Variants in GRK5 observed in about 807,000 individuals in gnomAD.
GRK5 encodes the protein g protein-coupled receptor kinase GRK5.
In GRK5, 40 loss-of-function variants were observed where a neutral mutation model predicts 78.4. That is an observed-to-expected ratio of 0.51 (90% CI 0.40 to 0.66). The LOEUF (loss-of-function observed/expected upper bound fraction) is 0.66, where lower values mean the gene tolerates loss of function less well. Ranked by LOEUF, GRK5 falls within the 30% of genes least tolerant of loss-of-function variation. The pLI is 0.00. For synonymous variants in GRK5, 289 were observed against 296.8 expected (o/e 0.97, Z 0.27); for missense variants, 598 against 759.9 (o/e 0.79, Z 2.50).
At chr10:119,424,540 G>C (rs1371898279) in intron 5 of GRK5, among the ~76,000 whole-genome samples, 2 of 152,048 alleles carry the variant, frequency 1.3e-5, no homozygotes, top group Non-Finnish European at 2.9e-5. Context: ...GAGGGGCTGT[G>C]GCCCCACCCT....
intron 3 of GRK5, among the ~76,000 whole-genome samples, chr10:119,395,812 G>A (rs1193392861): frequency 2.6e-5 from 4 of 152,120 alleles, no homozygotes; most frequent in African/African-American, 9.7e-5. Flanking sequence ...GAGAAGCCCT[G>A]CGCTTGGAGG....
rs73445454 is a variant in GRK5 at position 119,293,955 on chromosome 10, G to A, written c.53-32561G>A. On this transcript the variant is annotated intron_variant, in intron 1 of 15. Coordinates refer to ENST00000392870, the MANE Select transcript of GRK5 (RefSeq NM_005308.3). ...TGCTTGACAATCACCTGCTAATCCC[G>A]GGGGTCTGGGAGCTGAGCATTTTCA... is the stretch of plus-strand genomic sequence containing the variant. Among the ~76,000 whole-genome samples the A allele has an allele frequency of 6.4e-3, 972 of 152,164 alleles. 14 individuals carry two copies. The highest frequency in any genetic ancestry group is 0.022 in the African/African-American group (897 of 41,526).
At chr10:119,313,359 ATGG>A (rs919013823) in intron 1 of GRK5, among the ~76,000 whole-genome samples, 1 of 151,328 alleles carries the variant, frequency 6.6e-6, no homozygotes, top group Admixed American at 6.6e-5. Flanking sequence ...GGTGGTGATG[ATGG>A]TGGTAATGAG....
At chr10:119,334,753 A>C (rs1012425053) in intron 2 of GRK5, 1 of 152,244 alleles carries the variant, frequency 6.6e-6, no homozygotes, top group South Asian at 2.1e-4. Context: ...CTGTTTGGCA[A>C]TATTTCTGTA....
intron 4 of GRK5, among the ~76,000 whole-genome samples, chr10:119,409,719 C>CA (rs1301230299): frequency 2.0e-5 from 3 of 152,028 alleles, no homozygotes; most frequent in Admixed American, 6.6e-5. Flanking sequence ...CCCCTGCCCC[C>CA]CAACCCCTTT....
intron 3 of GRK5, among the ~76,000 whole-genome samples, chr10:119,391,393 G>A (rs1357954349): frequency 2.6e-5 from 4 of 152,232 alleles, no homozygotes; most frequent in African/African-American, 4.8e-5. Context: ...CTGAAGCACC[G>A]TGCAGGGCAT....
At chr10:119,357,024 C>T (rs1386951803) in intron 2 of GRK5, among the ~76,000 whole-genome samples, 1 of 152,196 alleles carries the variant, frequency 6.6e-6, no homozygotes, top group Non-Finnish European at 1.5e-5. Context: ...GTGTGTGAGG[C>T]CCATGCTAGG....
chr10:119,311,395 G>A (rs1180184381), intron 1 of GRK5, among the ~76,000 whole-genome samples: 1 of 152,150 alleles, frequency 6.6e-6, no homozygotes, highest in African/African-American at 2.4e-5. Flanking sequence ...GCTTGCTGCA[G>A]GGTGATGTGT....
chr10:119,441,701 C>T (rs1853039327), intron 10 of GRK5, among the ~76,000 whole-genome samples: 3 of 152,232 alleles, frequency 2.0e-5, no homozygotes, highest in Non-Finnish European at 4.4e-5. Flanking sequence ...CTGACCTCAG[C>T]GTTCCAGGAA....
At chr10:119,365,229 A>G (rs1468881614) in intron 2 of GRK5, among the ~76,000 whole-genome samples, 1 of 152,244 alleles carries the variant, frequency 6.6e-6, no homozygotes, top group Non-Finnish European at 1.5e-5. Flanking sequence ...AGAAAGCTTT[A>G]GTTTAAAATA....
At chr10:119,436,052 C>T (rs1015512515) in intron 8 of GRK5, among the ~76,000 whole-genome samples, 1 of 152,228 alleles carries the variant, frequency 6.6e-6, no homozygotes, top group African/African-American at 2.4e-5. Flanking sequence ...GAAACTGCCC[C>T]CATGAGTCAA....
At chr10:119,286,505 C>T (rs957818778) in intron 1 of GRK5, among the ~76,000 whole-genome samples, 3 of 152,242 alleles carry the variant, frequency 2.0e-5, no homozygotes, top group African/African-American at 7.2e-5. Flanking sequence ...GTCTGGAGGG[C>T]CCCAGGGCCC....
intron 13 of GRK5, among the ~76,000 whole-genome samples, chr10:119,451,448 C>T (rs1290311222): frequency 2.0e-5 from 3 of 152,104 alleles, no homozygotes; most frequent in South Asian, 2.1e-4. Flanking sequence ...CACCCTGGGT[C>T]CCCACACCTG....
At chr10:119,382,834 TTTG>T (rs1438832712) in intron 3 of GRK5, among the ~76,000 whole-genome samples, 2 of 152,184 alleles carry the variant, frequency 1.3e-5, no homozygotes, top group African/African-American at 4.8e-5. Flanking sequence ...TTGTAATACA[TTTG>T]TTGTTCCTAC....
chr10:119,342,515 G>A (rs1240777606), intron 2 of GRK5, among the ~76,000 whole-genome samples: 1 of 152,174 alleles, frequency 6.6e-6, no homozygotes, highest in Non-Finnish European at 1.5e-5. Flanking sequence ...CTGGCCTGCA[G>A]CAAGTGCTCA....
At chr10:119,283,495 C>T (rs1251170834) in intron 1 of GRK5, among the ~76,000 whole-genome samples, 3 of 152,226 alleles carry the variant, frequency 2.0e-5, no homozygotes, top group African/African-American at 7.2e-5. Flanking sequence ...GAGACATACA[C>T]GTTCCTGAGG....
At chr10:119,435,828 G>C (rs1852907990) in intron 8 of GRK5, among the ~76,000 whole-genome samples, 1 of 152,192 alleles carries the variant, frequency 6.6e-6, no homozygotes, top group Admixed American at 6.5e-5. Flanking sequence ...TGCTGATAAA[G>C]ACATACCTGA....
chr10:119,421,494 C>T lies in GRK5; in HGVS notation c.340-1672C>T, dbSNP rs543019012. Among the ~76,000 whole-genome samples, 13 of 152,368 alleles carry T rather than the reference C, an allele frequency of 8.5e-5. No individual in the cohort carries two copies. The South Asian group carries it at 2.7e-3, about 32-fold the overall frequency. On this transcript the variant is annotated intron_variant, in intron 4 of 15. Coordinates refer to ENST00000392870, the MANE Select transcript of GRK5 (RefSeq NM_005308.3). ...CAGAGCTCAGGCTCCTGGCTCTTGG[C>T]CTGGGGCTCCTCCCATGACATCGAG... is the stretch of plus-strand genomic sequence containing the variant.
chr10:119,209,858 T>G (rs1019459554), intron 1 of GRK5, among the ~76,000 whole-genome samples: 14 of 152,214 alleles, frequency 9.2e-5, no homozygotes, highest in African/African-American at 3.4e-4. Context: ...GCCTGATAGA[T>G]GCTTTTTTTC....
Sources: gnomAD v4.1 joint callset for allele counts (sites outside exome capture counted in the v4.1 genomes callset) on GRCh38, gnomAD v4.1.1 for gene constraint, MANE v1.5 for transcripts, NCBI Gene and HGNC (gene_info 2026-07-23, HGNC 2026-07-21) for gene names.